GPC6: variants seen among roughly 807,000 people sequenced by gnomAD.
GPC6 encodes glypican-6.
GPC6 carries 14 observed loss-of-function variants against 55.2 expected under a neutral mutation model. The observed-to-expected ratio is 0.25, with a 90% confidence interval of 0.17 to 0.40. The LOEUF (loss-of-function observed/expected upper bound fraction) is 0.40. GPC6 is among the 10% of genes least tolerant of loss of function. The pLI, the probability that GPC6 is intolerant of heterozygous loss-of-function variation, is 1.00. For missense variants in GPC6, 641 were observed against 708.5 expected (o/e 0.90, Z 1.08); for synonymous variants, 278 against 259.6 (o/e 1.07, Z -0.68).
At chr13:93,844,705 A>G (rs1166904622) in intron 3 of GPC6, among the ~76,000 whole-genome samples, 4 of 146,332 alleles carry the variant, frequency 2.7e-5, no homozygotes, top group Non-Finnish European at 6.0e-5. Flanking sequence ...TGTTTTGGAC[A>G]TGAAGTCCTT....
At chr13:93,591,336 C>T (rs1230445261) in intron 2 of GPC6, among the ~76,000 whole-genome samples, 3 of 151,864 alleles carry the variant, frequency 2.0e-5, no homozygotes, top group East Asian at 2.0e-4. Flanking sequence ...TGGTGGCGGA[C>T]GCCTGTAGTC....
chr13:93,337,026 G>A (rs1324275721), intron 1 of GPC6, among the ~76,000 whole-genome samples: 1 of 152,142 alleles, frequency 6.6e-6, no homozygotes, highest in Admixed American at 6.5e-5. Context: ...ACACACATCA[G>A]TTGTTTGTGC....
chr13:93,840,158 T>G (rs1237577898), intron 3 of GPC6, among the ~76,000 whole-genome samples: 1 of 152,164 alleles, frequency 6.6e-6, no homozygotes, highest in Non-Finnish European at 1.5e-5. Context: ...TTATTGAAGC[T>G]GGTTCTTTGA....
chr13:93,498,262 C>T (rs1315985466), intron 1 of GPC6, among the ~76,000 whole-genome samples: 1 of 152,204 alleles, frequency 6.6e-6, no homozygotes, highest in Non-Finnish European at 1.5e-5. Context: ...GCTTCTGGTC[C>T]TTTCCTGCTA....
rs112343217 is a variant in GPC6, at chr13:94,377,450, C to G, written c.1153-4964C>G. On this transcript the variant is annotated intron_variant, in intron 6 of 8. Coordinates refer to ENST00000377047, the MANE Select transcript of GPC6 (RefSeq NM_005708.5). ...GCCAAAAAACACATGAAAAAATGCT[C>G]ATCATCACTGGCCATCAGAGAAATG... Among the ~76,000 whole-genome samples the G allele has an allele frequency of 2.7e-5, 4 of 146,590 alleles. No homozygotes were observed. In the South Asian group the frequency reaches 9.2e-4, roughly 34 times the overall value.
intron 4 of GPC6, among the ~76,000 whole-genome samples, chr13:94,129,695 G>A (rs1886944113): frequency 1.3e-5 from 2 of 152,058 alleles, no homozygotes; most frequent in South Asian, 2.1e-4. Context: ...TCTGTCCCCT[G>A]TGTAACTATT....
At chr13:93,542,505 G>A (rs933543705) in intron 1 of GPC6, among the ~76,000 whole-genome samples, 7 of 152,088 alleles carry the variant, frequency 4.6e-5, no homozygotes, top group Non-Finnish European at 7.4e-5. Context: ...TTGGTGATGC[G>A]GGCTCCTTTT....
intron 1 of GPC6, among the ~76,000 whole-genome samples, chr13:93,235,216 T>TG (rs1337417125): frequency 6.6e-6 from 1 of 152,082 alleles, no homozygotes; most frequent in Non-Finnish European, 1.5e-5. Flanking sequence ...CCTTGAAGGA[T>TG]GGGTAGCATT....
chr13:94,310,065 C>T (rs986237525), intron 6 of GPC6, among the ~76,000 whole-genome samples: 1 of 152,078 alleles, frequency 6.6e-6, no homozygotes, highest in Non-Finnish European at 1.5e-5. Flanking sequence ...CAAAATAGCT[C>T]GATTTTTAAG....
intron 1 of GPC6, among the ~76,000 whole-genome samples, chr13:93,498,418 A>C (rs1310893332): frequency 6.6e-6 from 1 of 152,132 alleles, no homozygotes; most frequent in East Asian, 1.9e-4. Context: ...CATTTAAAAC[A>C]TCTTATTGTC....
At chr13:93,695,661 A>G (rs990035448) in intron 2 of GPC6, among the ~76,000 whole-genome samples, 8 of 152,148 alleles carry the variant, frequency 5.3e-5, no homozygotes, top group Non-Finnish European at 1.5e-5. Context: ...TTCCACTCCA[A>G]AAATGCAAAA....
intron 4 of GPC6, among the ~76,000 whole-genome samples, chr13:94,217,311 T>C (rs1890255192): frequency 6.6e-6 from 1 of 152,230 alleles, no homozygotes; most frequent in Non-Finnish European, 1.5e-5. Flanking sequence ...TGTTCAATAA[T>C]GTTCAAAACT....
At chr13:93,454,876 A>C (rs549748827) in intron 1 of GPC6, among the ~76,000 whole-genome samples, 2 of 152,198 alleles carry the variant, frequency 1.3e-5, no homozygotes, top group African/African-American at 4.8e-5. Context: ...ACAGGAGCCC[A>C]TGGAGGGGGT....
intron 4 of GPC6, among the ~76,000 whole-genome samples, chr13:94,200,746 G>C (rs1190848278): frequency 2.0e-5 from 3 of 152,228 alleles, no homozygotes; most frequent in Non-Finnish European, 2.9e-5. Flanking sequence ...CTTTGTATAG[G>C]TGTAGGAGAT....
chr13:94,116,007 G>A (rs751528228), intron 4 of GPC6, among the ~76,000 whole-genome samples: 1 of 151,924 alleles, frequency 6.6e-6, no homozygotes, highest in Non-Finnish European at 1.5e-5. Context: ...AAGGACTCAA[G>A]GTTTAGAAAC....
intron 2 of GPC6, among the ~76,000 whole-genome samples, chr13:93,798,940 G>T (rs1038962864): frequency 8.1e-5 from 10 of 123,060 alleles, no homozygotes; most frequent in African/African-American, 2.9e-4. Flanking sequence ...AAAAAAAATG[G>T]TGACAACAAT....
chr13:94,381,893 C>T (rs1880174509), intron 6 of GPC6, among the ~76,000 whole-genome samples: 1 of 152,224 alleles, frequency 6.6e-6, no homozygotes, highest in African/African-American at 2.4e-5. Context: ...TTATTGCTTA[C>T]CACCCATGTG....
At chr13:94,202,818 C>G (rs540269901) in intron 4 of GPC6, among the ~76,000 whole-genome samples, 1 of 152,008 alleles carries the variant, frequency 6.6e-6, no homozygotes. Flanking sequence ...CAGCAGAGCC[C>G]GGGAGTAGGT....
chr13:93,351,648 C>T (rs1278055958), intron 1 of GPC6, among the ~76,000 whole-genome samples: 3 of 152,120 alleles, frequency 2.0e-5, no homozygotes, highest in Non-Finnish European at 2.9e-5. Flanking sequence ...ATGCTAATTA[C>T]ACTGATCTGA....
Sources: allele counts gnomAD v4.1 joint callset (sites outside exome capture counted in the v4.1 genomes callset), GRCh38; gene constraint gnomAD v4.1.1; transcripts MANE v1.5; gene names NCBI Gene and HGNC (gene_info 2026-07-23, HGNC 2026-07-21).